ASTE1: variants seen among roughly 807,000 people sequenced by gnomAD.
The protein encoded by ASTE1 is asteroid structure-specific endonuclease 1, also known as single-strand DNA endonuclease ASTE1.
In ASTE1, 49 loss-of-function variants were observed where a neutral mutation model predicts 45.8. The observed-to-expected ratio is 1.07, with a 90% CI of 0.85 to 1.36. The LOEUF (loss-of-function observed/expected upper bound fraction) is 1.36. Ranked by LOEUF, ASTE1 falls within the 40% of genes most tolerant of loss-of-function variation. The pLI is 0.00. For synonymous variants in ASTE1, 296 were observed against 303.9 expected, an observed-to-expected ratio of 0.97 and a Z score of 0.27; for missense variants, 709 against 804.0, an observed-to-expected ratio of 0.88 and a Z score of 1.43.
intron 1 of ASTE1, 33 bp downstream of exon 1, chr3:131,026,474 C>G (rs1261316588): frequency 6.5e-6 from 1 of 153,040 alleles, no homozygotes; most frequent in Non-Finnish European, 1.5e-5. Flanking sequence ...CCCTCACAAC[C>G]CGCCGCCCGG....
At position 131,014,231 on chromosome 3, in the gene ASTE1, T is replaced by C. The variant is rs763425177; in HGVS notation, c.1866A>G (p.Pro622=). Residue 622 remains proline, a synonymous_variant, in exon 6 of 6, where the codon CCA becomes CCG. Coordinates refer to ENST00000264992, the MANE Select transcript of ASTE1 (RefSeq NM_014065.4). ...TTTTTTTTGAATTTGATCTACCTTT[T>C]GGTAGGAATATTTCAGCGGGGGCAT... ...RSYAPAEIFL[P]KGRSNSKKKR... 1.2e-6 allele frequency: 2 copies of C among 1,613,938 alleles called. No individual in the cohort carries two copies. Among genetic ancestry groups the C allele is most frequent in the Non-Finnish European group, 1.7e-6 (2 of 1,179,954 alleles).
chr3:131,014,384 C>A lies in ASTE1; in HGVS notation c.1713G>T (p.Leu571=), dbSNP rs746780624. 3.8e-6 allele frequency: 6 copies of A among 1,576,522 alleles called. No individual in the cohort carries two copies. Among genetic ancestry groups the A allele is most frequent in the Non-Finnish European group, 5.1e-6 (6 of 1,165,834 alleles). The change falls in exon 6 of 6, where the codon CTG becomes CTT. Residue 571 remains leucine (L), a synonymous_variant. Transcript: ENST00000264992. ...GTCCGTGCACCAGGCTTCCACTGTA[C>A]AGTCTGTTCAAAGCAAGAAAAAAGT... ...TPLPEPDLTR[L]YSGSLVHGLC...
rs757242219 is a variant in ASTE1, at chr3:131,025,195, G to T, written c.112C>A (p.Arg38Ser). 1 of 1,614,148 alleles carries T rather than the reference G, an allele frequency of 6.2e-7. No homozygotes were observed. Among genetic ancestry groups the T allele is most frequent in the Non-Finnish European group, 8.5e-7 (1 of 1,180,028 alleles). Residue 38 changes from arginine (R) to serine (S), a missense_variant, in exon 3 of 6, where the codon CGT (arginine) becomes AGT (serine). Coordinates refer to ENST00000264992, the MANE Select transcript of ASTE1 (RefSeq NM_014065.4). ...TCCAAGTTTGAACTGAAGCAAAGAC[G>T]GTGGAAAAGAGCATAACCATCAATG... ...IVIDGYALFH[R>S]LCFSSNLDLR...
intron 3 of ASTE1, among the ~76,000 whole-genome samples, chr3:131,023,172 G>A (rs758814496): frequency 7.9e-5 from 12 of 152,132 alleles, no homozygotes; most frequent in Non-Finnish European, 1.6e-4. Context: ...TGTGGTTGCC[G>A]TCCTACATCC....
chr3:131,018,492 T>C lies in ASTE1; in HGVS notation c.1513+14A>G, dbSNP rs1242598109. On this transcript the variant is annotated intron_variant, in intron 4 of 5. Transcript: ENST00000264992. ...ACATGCCACAATATACTCCTGTAAT[T>C]TCCAGTTACCTACCAGGGCTGTTGA... 1.6e-5 allele frequency: 26 copies of C among 1,610,896 alleles called. No individual in the cohort carries two copies. The highest frequency in any genetic ancestry group is 2.2e-5 in the Non-Finnish European group (26 of 1,177,128).
chr3:131,015,335 C>T (rs1174194436), intron 5 of ASTE1: 1 of 644,476 alleles, frequency 1.6e-6, no homozygotes, highest in Non-Finnish European at 2.8e-6. Flanking sequence ...AAAACACAAT[C>T]TATCTCCTTT....
chr3:131,025,016 T>C lies in ASTE1; in HGVS notation c.291A>G (p.Arg97=). Residue 97 remains arginine (R), a synonymous_variant, in exon 3 of 6, where the codon AGA becomes AGG. Transcript: ENST00000264992. ...GGGAATGGGCCATCTGGATCTTCTC[T>C]CTAGCTCTATCCTTTAAAGTTGTAA... ...KKLTTLKDRA[R]EKIQMAHSLS... 6.2e-7 allele frequency: 1 copy of C among 1,600,828 alleles called. No individual in the cohort carries two copies. Among genetic ancestry groups the C allele is most frequent in the Non-Finnish European group, 8.5e-7 (1 of 1,173,090 alleles).
At position 131,017,131 on chromosome 3, in the gene ASTE1, T is replaced by A. The variant is rs533565904; in HGVS notation, c.1514-792A>T. Reference sequence around the variant, plus strand: ...CTTAATAGGCTTGTGCTCTGAGAGCTTTCTTATACTGTATTTATTATTCAA... The same window carrying A: ...CTTAATAGGCTTGTGCTCTGAGAGCATTCTTATACTGTATTTATTATTCAA... On this transcript the variant is annotated intron_variant, in intron 4 of 5. Transcript: ENST00000264992. 10 of 888,298 alleles carry A rather than the reference T, an allele frequency of 1.1e-5. No individual in the cohort carries two copies. In the African/African-American group the frequency reaches 1.4e-4, roughly 13 times the overall value. 55.0% of individuals were successfully genotyped at this position (888,298 alleles called of 1,614,324 possible). A position where few individuals can be genotyped will look rare whatever the true frequency, so the allele number is the denominator to read the frequency against.
At position 131,016,325 on chromosome 3, in the gene ASTE1, G is replaced by T. The variant is rs749573329; in HGVS notation, c.1528C>A (p.Gln510Lys). 4 of 1,614,036 alleles carry T rather than the reference G, an allele frequency of 2.5e-6. No individual in the cohort carries two copies. In the South Asian group the frequency reaches 4.4e-5, roughly 18 times the overall value. The change falls in exon 5 of 6, where the codon CAG becomes AAG. Residue 510 changes from glutamine (Q) to lysine (K), a missense_variant. Coordinates refer to ENST00000264992, the MANE Select transcript of ASTE1 (RefSeq NM_014065.4). The part of the protein sequence containing the change: ...IINSPGKEEL[Q>K]EDGAKMLYAE... Reference sequence around the variant, plus strand: ...TACAACATCTTAGCACCATCTTCCTGCAGCTCTTCCTTACCTAAATAAAGA... The same window carrying T: ...TACAACATCTTAGCACCATCTTCCTTCAGCTCTTCCTTACCTAAATAAAGA...
chr3:131,015,504 C>G (rs544374476), intron 5 of ASTE1, among the ~76,000 whole-genome samples: 2 of 152,176 alleles, frequency 1.3e-5, no homozygotes, highest in Admixed American at 1.3e-4. Flanking sequence ...ATTATAATTA[C>G]TCTGTGGCAC....
chr3:131,025,197 T>G lies in ASTE1; in HGVS notation c.110A>C (p.His37Pro). ...KIVIDGYALF[H>P]RLCFSSNLDL... ...CAAGTTTGAACTGAAGCAAAGACGG[T>G]GGAAAAGAGCATAACCATCAATGAC... The change falls in exon 3 of 6, where the codon CAC (histidine) becomes CCC (proline). Residue 37 changes from histidine (H) to proline (P), a missense_variant. His to Pro is a moderately conservative substitution (Grantham distance 77). Coordinates refer to ENST00000264992, the MANE Select transcript of ASTE1 (RefSeq NM_014065.4). 6.2e-7 allele frequency: 1 copy of G among 1,614,164 alleles called. No homozygotes were observed. Among genetic ancestry groups the G allele is most frequent in the Non-Finnish European group, 8.5e-7 (1 of 1,180,024 alleles).
intron 3 of ASTE1, among the ~76,000 whole-genome samples, chr3:131,020,380 G>A (rs1446435435): frequency 6.6e-6 from 1 of 152,186 alleles, no homozygotes; most frequent in East Asian, 1.9e-4. Context: ...TGCAGAAGCA[G>A]CTGCCCCGAG....
chr3:131,021,538 G>A (rs965267931), intron 3 of ASTE1, among the ~76,000 whole-genome samples: 1 of 152,144 alleles, frequency 6.6e-6, no homozygotes, highest in African/African-American at 2.4e-5. Context: ...GTTGCAGAGC[G>A]AGTGACTGGA....
chr3:131,016,304 A>C lies in ASTE1; in HGVS notation c.1549T>G (p.Leu517Val). 6.2e-7 allele frequency: 1 copy of C among 1,614,158 alleles called. No individual in the cohort carries two copies. The highest frequency in any genetic ancestry group is 2.2e-5 in the East Asian group (1 of 44,888). ...TTCACTCTTTGGAACTCTGCATACA[A>C]CATCTTAGCACCATCTTCCTGCAGC... ...EELQEDGAKM[L>V]YAEFQRVKAQ... Residue 517 changes from leucine to valine, a missense_variant, in exon 5 of 6, where the codon TTG becomes GTG. Leu to Val is a conservative substitution (Grantham distance 32). Coordinates refer to ENST00000264992, the MANE Select transcript of ASTE1 (RefSeq NM_014065.4).
chr3:131,024,478 G>C lies in ASTE1; in HGVS notation c.829C>G (p.Leu277Val), dbSNP rs1165318293. ...CGATCCTTTTTTGGGAGGTATTTCAGAACATTATCTAGTGCTTCGGTAGGG... is the reference window on the plus strand; with the variant it reads ...CGATCCTTTTTTGGGAGGTATTTCACAACATTATCTAGTGCTTCGGTAGGG... Reference protein sequence around the residue: ...ANPTEALDNVLKYLPKKDREN... With the variant: ...ANPTEALDNVVKYLPKKDREN... The change falls in exon 3 of 6, where the codon CTG becomes GTG. Residue 277 changes from leucine (L) to valine (V), a missense_variant. Physicochemically the swap from Leu to Val is conservative, Grantham distance 32. Transcript: ENST00000264992. 6.2e-7 allele frequency: 1 copy of C among 1,614,124 alleles called. No individual in the cohort carries two copies. The highest frequency in any genetic ancestry group is 1.1e-5 in the South Asian group (1 of 91,072).
intron 4 of ASTE1, among the ~76,000 whole-genome samples, chr3:131,018,073 G>T (rs1261149839): frequency 6.6e-6 from 1 of 150,988 alleles, no homozygotes; most frequent in Non-Finnish European, 1.5e-5. Context: ...ATAAAAAGAT[G>T]TATAAGCAAG....
intron 3 of ASTE1, among the ~76,000 whole-genome samples, chr3:131,022,607 G>A (rs900682291): frequency 1.3e-5 from 2 of 151,960 alleles, no homozygotes; most frequent in African/African-American, 2.4e-5. Flanking sequence ...ACAGGCATGA[G>A]CCATCTTGCC....
intron 3 of ASTE1, among the ~76,000 whole-genome samples, chr3:131,020,866 T>C (rs916357312): frequency 6.6e-6 from 1 of 152,206 alleles, no homozygotes; most frequent in Non-Finnish European, 1.5e-5. Flanking sequence ...ATGAGAACAC[T>C]TAAGTCATCT....
chr3:131,019,012 A>T (rs1302193342), intron 3 of ASTE1, among the ~76,000 whole-genome samples: 1 of 152,230 alleles, frequency 6.6e-6, no homozygotes, highest in Non-Finnish European at 1.5e-5. Context: ...TGGGAAGCTC[A>T]TTAAAAATTC....
Sources: allele counts gnomAD v4.1 joint callset (sites outside exome capture counted in the v4.1 genomes callset), GRCh38; gene constraint gnomAD v4.1.1; transcripts MANE v1.5; gene names NCBI Gene and HGNC (gene_info 2026-07-23, HGNC 2026-07-21).